The following CSNK1G1 variants were observed in gnomAD, a reference collection of about 807,000 sequenced individuals.
CSNK1G1 encodes the protein casein kinase 1 gamma 1.
Under a neutral mutation model 59.6 loss-of-function variants are expected in CSNK1G1, and 22 were observed. The ratio of observed to expected loss-of-function variants is 0.37; its 90% CI spans 0.26 to 0.53. The LOEUF (loss-of-function observed/expected upper bound fraction) is 0.53, where lower values mean the gene tolerates loss of function less well. Ranked by LOEUF, CSNK1G1 falls within the 20% of genes least tolerant of loss-of-function variation. CSNK1G1 has a pLI of 0.89. For synonymous variants in CSNK1G1, 179 were observed against 177.1 expected, an observed-to-expected ratio of 1.01 and a Z score of -0.08; for missense variants, 384 against 519.5, an observed-to-expected ratio of 0.74 and a Z score of 2.54.
In CSNK1G1 at chr15:64,216,317, C is replaced by T. The variant is rs1006561104; in HGVS notation, c.444+245G>A. On this transcript the variant is annotated intron_variant, in intron 5 of 11. Coordinates refer to ENST00000303052, the MANE Select transcript of CSNK1G1 (RefSeq NM_022048.5). The surrounding 1 kb of genome is among the most constrained non-coding windows in gnomAD (Gnocchi z 4.6). Reference sequence around the variant, plus strand: ...CTTTCTCCCTAATCTAAATTATATACTTCCTCTTCAGTTAAGGGCAGAGCA... The same window carrying T: ...CTTTCTCCCTAATCTAAATTATATATTTCCTCTTCAGTTAAGGGCAGAGCA... Among the ~76,000 whole-genome samples the T allele has an allele frequency of 6.6e-6, 1 of 152,198 alleles. No individual in the cohort carries two copies.
chr15:64,345,413 AT>A (rs1193332708), intron 1 of CSNK1G1, among the ~76,000 whole-genome samples: 1 of 152,204 alleles, frequency 6.6e-6, no homozygotes, highest in Non-Finnish European at 1.5e-5. Flanking sequence ...AGAGAGGGTG[AT>A]CAAAATCTGT....
intron 2 of CSNK1G1, among the ~76,000 whole-genome samples, chr15:64,273,508 AGAG>A (rs1422641928): frequency 6.6e-6 from 1 of 152,180 alleles, no homozygotes; most frequent in African/African-American, 2.4e-5. Context: ...TTATTATAGC[AGAG>A]AAGAGGTAAT....
intron 1 of CSNK1G1, among the ~76,000 whole-genome samples, chr15:64,336,237 C>A (rs1036292514): frequency 1.6e-5 from 2 of 124,784 alleles, no homozygotes; most frequent in African/African-American, 5.6e-5. Context: ...GACAAATTAT[C>A]TTGATTAACT....
Position 64,174,776 on chromosome 15 carries a change from T to A in CSNK1G1, c.1215-2791A>T, listed in dbSNP as rs541662726. Among the ~76,000 whole-genome samples the A allele has an allele frequency of 2.0e-5, 3 of 152,324 alleles. No individual in the cohort carries two copies. In the South Asian group the frequency reaches 6.2e-4, roughly 32 times the overall value. On this transcript the variant is annotated intron_variant, in intron 11 of 11. Transcript: ENST00000303052. ...TTCAGCTATTCCCTTGCTATGTTCC[T>A]TTTCTCTGCCATATGTGTACATTCT... is the stretch of plus-strand genomic sequence containing the variant.
intron 4 of CSNK1G1, among the ~76,000 whole-genome samples, chr15:64,229,430 A>G (rs1032936899): frequency 1.3e-5 from 2 of 152,214 alleles, no homozygotes; most frequent in Non-Finnish European, 2.9e-5. Context: ...AAACTGGCTC[A>G]GGAATGGGTG....
At chr15:64,271,988 CT>C (rs1893334751) in intron 2 of CSNK1G1, among the ~76,000 whole-genome samples, 1 of 152,156 alleles carries the variant, frequency 6.6e-6, no homozygotes, top group Non-Finnish European at 1.5e-5. Context: ...TGAATTGAAC[CT>C]TTTACCACTA....
chr15:64,213,850 C>T, intron 6 of CSNK1G1, 40 bp downstream of exon 6: 1 of 1,334,136 alleles, frequency 7.5e-7, no homozygotes. Flanking sequence ...ATAAACTGTT[C>T]TAATGACTCG....
At chr15:64,299,110 C>A (rs182143583) in intron 2 of CSNK1G1, among the ~76,000 whole-genome samples, 3 of 152,068 alleles carry the variant, frequency 2.0e-5, no homozygotes, top group Non-Finnish European at 2.9e-5. Flanking sequence ...CCACTCCCCC[C>A]AAAGGGCCAA....
intron 2 of CSNK1G1, among the ~76,000 whole-genome samples, chr15:64,298,971 A>G (rs951793026): frequency 8.5e-5 from 13 of 152,218 alleles, no homozygotes; most frequent in Admixed American, 4.6e-4. Flanking sequence ...ACCTGGGAAG[A>G]GGAGGTTGCA....
intron 2 of CSNK1G1, among the ~76,000 whole-genome samples, chr15:64,261,798 G>C (rs542301465): frequency 5.2e-4 from 78 of 150,856 alleles, no homozygotes; most frequent in African/African-American, 1.8e-3. Context: ...CAAAAATTAG[G>C]CAGGCGTGGT....
Position 64,207,617 on chromosome 15 carries a change from C to T in CSNK1G1, c.680-23G>A, listed in dbSNP as rs769413972. 3 of 1,572,766 alleles carry T rather than the reference C, an allele frequency of 1.9e-6. 1 individual carries two copies. The highest frequency in any genetic ancestry group is 1.7e-5 in the Admixed American group (1 of 59,926). On this transcript the variant is annotated intron_variant, in intron 6 of 11. Coordinates refer to ENST00000303052, the MANE Select transcript of CSNK1G1 (RefSeq NM_022048.5). Reference sequence around the variant, plus strand: ...GCTCTAAAAGGGAAGACAGATCACACATTATGTTTGCAGTTATTAAAGCAG... The same window carrying T: ...GCTCTAAAAGGGAAGACAGATCACATATTATGTTTGCAGTTATTAAAGCAG...
At chr15:64,352,789 T>C (rs1057028159) in intron 1 of CSNK1G1, among the ~76,000 whole-genome samples, 2 of 151,764 alleles carry the variant, frequency 1.3e-5, no homozygotes, top group African/African-American at 2.4e-5. Flanking sequence ...GGAAGAAATA[T>C]ATTTGAAAAT....
At chr15:64,225,006 CTTTTTT>C (rs750533422) in intron 4 of CSNK1G1, among the ~76,000 whole-genome samples, 1 of 121,848 alleles carries the variant, frequency 8.2e-6, no homozygotes, top group Non-Finnish European at 1.7e-5. Flanking sequence ...ATACACTTTT[CTTTTTT>C]TTTTTTTTTT....
At chr15:64,240,543 G>GA (rs1247764829) in intron 4 of CSNK1G1, among the ~76,000 whole-genome samples, 4 of 149,918 alleles carry the variant, frequency 2.7e-5, no homozygotes, top group South Asian at 4.2e-4. Flanking sequence ...AAAACAGCAA[G>GA]AAAAAAGAGT....
rs1285998644 is a variant in CSNK1G1, at chr15:64,169,616, A to C, written c.*2315T>G. On this transcript the variant is annotated 3_prime_UTR_variant, in exon 12 of 12. Transcript: ENST00000303052. ...AAACTTTCTATACAGTAAGTTAGCA[A>C]TGCCCAAATCCCAACTGAGAAACGA... 5 of 152,220 alleles carry C rather than the reference A, an allele frequency of 3.3e-5. No homozygotes were observed. Among genetic ancestry groups the C allele is most frequent in the African/African-American group, 1.2e-4 (5 of 41,460 alleles). The allele number at this position is 152,220 out of a possible 1,614,324, so 9.4% of individuals were successfully genotyped here.
At chr15:64,253,281 A>G (rs1404927620) in intron 3 of CSNK1G1, among the ~76,000 whole-genome samples, 1 of 152,090 alleles carries the variant, frequency 6.6e-6, no homozygotes, top group African/African-American at 2.4e-5. Context: ...AGAGATCAAG[A>G]CTGCAGGGAG....
At chr15:64,309,094 T>C (rs896287060) in intron 1 of CSNK1G1, among the ~76,000 whole-genome samples, 3 of 152,136 alleles carry the variant, frequency 2.0e-5, no homozygotes, top group Non-Finnish European at 4.4e-5. Context: ...TATGCTCATA[T>C]TTAGTTTTCA....
At chr15:64,196,182 ACT>A (rs887324070) in intron 10 of CSNK1G1, among the ~76,000 whole-genome samples, 3 of 151,986 alleles carry the variant, frequency 2.0e-5, no homozygotes, top group African/African-American at 7.3e-5. Context: ...ACGCCACTAC[ACT>A]CTATCCTGAG....
At chr15:64,219,038 A>G (rs1596111593) in intron 4 of CSNK1G1, among the ~76,000 whole-genome samples, 1 of 151,660 alleles carries the variant, frequency 6.6e-6, no homozygotes, top group Admixed American at 6.6e-5. Context: ...TATTTTTAGT[A>G]GAGACAGCGT....
Sources: gnomAD v4.1 joint callset for allele counts (sites outside exome capture counted in the v4.1 genomes callset) on GRCh38, gnomAD v4.1.1 for gene constraint, Gnocchi (gnomAD v3.1) non-coding constraint, MANE v1.5 for transcripts, NCBI Gene and HGNC (gene_info 2026-07-23, HGNC 2026-07-21) for gene names.